ALMS1: variants seen among roughly 807,000 people sequenced by gnomAD.
ALMS1 encodes centrosome-associated protein ALMS1.
A neutral mutation model predicts 352.2 loss-of-function variants in ALMS1; 271 were observed. That is an observed-to-expected ratio of 0.77 (90% CI 0.70 to 0.85). ALMS1 has a LOEUF of 0.85. ALMS1 is among the 40% of genes least tolerant of loss of function. ALMS1 has a pLI of 0.00. For missense variants in ALMS1, 5,445 were observed against 4,870.7 expected, an observed-to-expected ratio of 1.12 and a Z score of -3.51; for synonymous variants, 1,865 against 1,761.2, an observed-to-expected ratio of 1.06 and a Z score of -1.48.
At chr2:73,460,309 T>A (rs979397727) in intron 9 of ALMS1, among the ~76,000 whole-genome samples, 1 of 152,246 alleles carries the variant, frequency 6.6e-6, no homozygotes, top group African/African-American at 2.4e-5. Context: ...AATGGTGATA[T>A]ATTAGGATGA....
chr2:73,539,570 C>A (rs938612341), intron 12 of ALMS1, among the ~76,000 whole-genome samples: 3 of 152,140 alleles, frequency 2.0e-5, no homozygotes, highest in Non-Finnish European at 4.4e-5. Context: ...GATGATCAAA[C>A]TACTCCGAGC....
At chr2:73,531,479 G>A (rs1673908779) in intron 11 of ALMS1, among the ~76,000 whole-genome samples, 1 of 152,272 alleles carries the variant, frequency 6.6e-6, no homozygotes, top group South Asian at 2.1e-4. Context: ...CCATATCACT[G>A]TCAGCATTTT....
chr2:73,592,952 C>T (rs1372156426), intron 16 of ALMS1, among the ~76,000 whole-genome samples: 1 of 152,132 alleles, frequency 6.6e-6, no homozygotes, highest in African/African-American at 2.4e-5. Flanking sequence ...AGCCAGCCAG[C>T]ATATATTTCC....
intron 9 of ALMS1, among the ~76,000 whole-genome samples, chr2:73,477,751 T>C (rs939924553): frequency 2.0e-5 from 3 of 152,174 alleles, no homozygotes; most frequent in Non-Finnish European, 4.4e-5. Context: ...TGAATTTTTT[T>C]TAAAAATTTA....
At chr2:73,419,892 T>C (rs576311982) in intron 3 of ALMS1, among the ~76,000 whole-genome samples, 1 of 152,332 alleles carries the variant, frequency 6.6e-6, no homozygotes. Context: ...GATTCAATTA[T>C]GAAGATGGTT....
chr2:73,488,039 A>G (rs933864925), intron 9 of ALMS1, among the ~76,000 whole-genome samples: 5 of 152,190 alleles, frequency 3.3e-5, no homozygotes, highest in African/African-American at 1.2e-4. Flanking sequence ...CGGAAAAAGC[A>G]CTATAAGTTC....
chr2:73,419,455 T>C, intron 3 of ALMS1, 137 bp downstream of exon 3: 1 of 794,594 alleles, frequency 1.3e-6, no homozygotes, highest in Non-Finnish European at 2.0e-6. Context: ...CTTATTTCTG[T>C]TTTGTTTGTT....
chr2:73,541,320 C>T (rs1223170708), intron 12 of ALMS1, among the ~76,000 whole-genome samples: 1 of 152,080 alleles, frequency 6.6e-6, no homozygotes, highest in Non-Finnish European at 1.5e-5. Flanking sequence ...TTCTTTGAAA[C>T]CAGTGAGAAC....
Position 73,474,263 on chromosome 2 carries a change from C to G in ALMS1, c.7675-15371C>G, listed in dbSNP as rs573997223. ...TAAAAAATTGAGAATTTTTTTAAAA[C>G]AAGTGTTTCCAAAAGCTTATTGATT... On this transcript the variant is annotated intron_variant, in intron 9 of 22. Coordinates refer to ENST00000613296, the MANE Select transcript of ALMS1 (RefSeq NM_001378454.1). Among the ~76,000 whole-genome samples, 52 of 151,828 alleles carry G rather than the reference C, an allele frequency of 3.4e-4. No individual in the cohort carries two copies. The South Asian group carries it at 8.8e-3, about 26-fold the overall frequency.
intron 10 of ALMS1, among the ~76,000 whole-genome samples, chr2:73,500,991 A>G (rs1322522688): frequency 6.6e-6 from 1 of 152,178 alleles, no homozygotes; most frequent in East Asian, 1.9e-4. Flanking sequence ...CATCCTTGCC[A>G]ACACTGGGTA....
At chr2:73,431,907 A>C (rs1210027273) in intron 6 of ALMS1, among the ~76,000 whole-genome samples, 1 of 152,162 alleles carries the variant, frequency 6.6e-6, no homozygotes. Context: ...TAAGCATACT[A>C]TCTATAATAT....
At chr2:73,521,770 A>G (rs990112396) in intron 11 of ALMS1, among the ~76,000 whole-genome samples, 2 of 151,936 alleles carry the variant, frequency 1.3e-5, no homozygotes, top group African/African-American at 2.4e-5. Context: ...AAAAAAGCAT[A>G]TTTTAAACTT....
intron 15 of ALMS1, among the ~76,000 whole-genome samples, chr2:73,567,338 A>G (rs1674825616): frequency 6.6e-6 from 1 of 152,210 alleles, no homozygotes; most frequent in African/African-American, 2.4e-5. Flanking sequence ...TCGCTCTTGA[A>G]CTGTTTCAAG....
intron 16 of ALMS1, among the ~76,000 whole-genome samples, chr2:73,577,720 T>C (rs1262774984): frequency 6.6e-6 from 1 of 152,176 alleles, no homozygotes; most frequent in Non-Finnish European, 1.5e-5. Flanking sequence ...TTCCCCACCT[T>C]TCTTTGTTAT....
intron 11 of ALMS1, among the ~76,000 whole-genome samples, chr2:73,529,486 C>G (rs1160064442): frequency 6.6e-6 from 1 of 152,120 alleles, no homozygotes; most frequent in African/African-American, 2.4e-5. Context: ...TTGTTGGTGT[C>G]TGAGCATTGA....
chr2:73,431,863 A>T (rs184767954), intron 6 of ALMS1, among the ~76,000 whole-genome samples: 1 of 152,236 alleles, frequency 6.6e-6, no homozygotes, highest in Admixed American at 6.5e-5. Flanking sequence ...TGCGATGATC[A>T]TAAGGAGCAA....
chr2:73,386,438 T>C (rs1008828017), intron 1 of ALMS1, among the ~76,000 whole-genome samples: 1 of 152,110 alleles, frequency 6.6e-6, no homozygotes, highest in East Asian at 1.9e-4. Context: ...CCCGTAGACG[T>C]TCAGGGGAGC....
chr2:73,547,807 A>G (rs1164467943), intron 12 of ALMS1, among the ~76,000 whole-genome samples: 3 of 152,204 alleles, frequency 2.0e-5, no homozygotes, highest in Non-Finnish European at 4.4e-5. Context: ...TTAGAGTGCA[A>G]GTAGAGACAC....
intron 16 of ALMS1, among the ~76,000 whole-genome samples, chr2:73,595,898 T>G (rs1245154362): frequency 6.6e-6 from 1 of 152,236 alleles, no homozygotes; most frequent in Non-Finnish European, 1.5e-5. Context: ...ATGTTGAACA[T>G]TTTGTGTGCT....
Sources: allele counts gnomAD v4.1 joint callset (sites outside exome capture counted in the v4.1 genomes callset), GRCh38; gene constraint gnomAD v4.1.1; transcripts MANE v1.5; gene names NCBI Gene and HGNC (gene_info 2026-07-23, HGNC 2026-07-21).